SLC7A9: variants seen among roughly 807,000 people sequenced by gnomAD.
The protein encoded by SLC7A9 is B(0,+)-type amino acid transporter 1.
Under a neutral mutation model 54.1 loss-of-function variants are expected in SLC7A9, and 38 were observed. That is an observed-to-expected ratio of 0.70 (90% confidence interval 0.54 to 0.92). The LOEUF (loss-of-function observed/expected upper bound fraction) is 0.92, where lower values mean the gene tolerates loss of function less well. Ranked by LOEUF, SLC7A9 falls within the 40% of genes least tolerant of loss-of-function variation. The pLI, the probability that SLC7A9 is intolerant of heterozygous loss-of-function variation, is 0.00. For synonymous variants in SLC7A9, 264 were observed against 258.9 expected, an observed-to-expected ratio of 1.02 and a Z score of -0.19; for missense variants, 537 against 636.1, an observed-to-expected ratio of 0.84 and a Z score of 1.68.
chr19:32,843,817 C>T (rs200979976), intron 10 of SLC7A9, 38 bp downstream of exon 10: 59 of 1,511,088 alleles, frequency 3.9e-5, no homozygotes, highest in Middle Eastern at 1.7e-4. Flanking sequence ...GGAGTGTCCC[C>T]GCCTTGAAGA....
chr19:32,860,525 A>G, intron 7 of SLC7A9, 81 bp downstream of exon 7: 1 of 1,610,226 alleles, frequency 6.2e-7, no homozygotes, highest in Non-Finnish European at 8.5e-7. Context: ...TGGAATACCC[A>G]GGGAAATAGC....
intron 6 of SLC7A9, among the ~76,000 whole-genome samples, chr19:32,861,089 G>A (rs1968787430): frequency 2.0e-5 from 3 of 152,194 alleles, no homozygotes; most frequent in Non-Finnish European, 4.4e-5. Flanking sequence ...AGCACTTTGA[G>A]AAGCCGAGGT....
intron 12 of SLC7A9, 122 bp downstream of exon 12, chr19:32,833,027 G>A: frequency 1.0e-6 from 1 of 986,244 alleles, no homozygotes; most frequent in Admixed American, 1.7e-5. Context: ...GTCCTCCTGG[G>A]ACGAGGGAGA....
At chr19:32,860,517 G>A (rs1968767361) in intron 7 of SLC7A9, 89 bp downstream of exon 7, 2 of 1,604,868 alleles carry the variant, frequency 1.2e-6, no homozygotes, top group Admixed American at 1.7e-5. Context: ...GGGCATCATG[G>A]AATACCCAGG....
At chr19:32,831,363 C>T (rs10417393) in intron 12 of SLC7A9, 89,506 of 151,994 alleles carry the variant, frequency 0.59, 27,181 homozygotes, top group East Asian at 0.82. Context: ...CTTGGCTTAC[C>T]GCAAGCTCCG....
chr19:32,864,257 G>A lies in SLC7A9; in HGVS notation c.317C>T (p.Pro106Leu), dbSNP rs1264190688. 1 of 1,614,022 alleles carries A rather than the reference G, an allele frequency of 6.2e-7. No individual in the cohort carries two copies. Among genetic ancestry groups the A allele is most frequent in the East Asian group, 2.2e-5 (1 of 44,894 alleles). The change falls in exon 4 of 13, where the codon CCC (proline) becomes CTC (leucine). Residue 106 changes from proline to leucine, a missense_variant. Coordinates refer to ENST00000023064, the MANE Select transcript of SLC7A9 (RefSeq NM_014270.5). ...CCAGGAGAAGAGGTAGGCGGGGATGGGCCCGTAGGCCTCCATCAGGTAGGG... is the reference window on the plus strand; with the variant it reads ...CCAGGAGAAGAGGTAGGCGGGGATGAGCCCGTAGGCCTCCATCAGGTAGGG... ...EYPYLMEAYG[P>L]IPAYLFSWAS...
intron 11 of SLC7A9, among the ~76,000 whole-genome samples, chr19:32,835,188 TTC>T (rs947639945): frequency 1.3e-4 from 20 of 152,236 alleles, no homozygotes; most frequent in Admixed American, 1.2e-3. Flanking sequence ...TGTAACTGGG[TTC>T]TGTTTGTTAA....
chr19:32,855,231 A>G (rs1007726849), intron 9 of SLC7A9, among the ~76,000 whole-genome samples: 1 of 152,164 alleles, frequency 6.6e-6, no homozygotes, highest in Non-Finnish European at 1.5e-5. Context: ...TCCCTTATGT[A>G]TTATGGAGTC....
At chr19:32,831,491 G>A (rs953551159) in intron 12 of SLC7A9, among the ~76,000 whole-genome samples, 6 of 152,044 alleles carry the variant, frequency 3.9e-5, no homozygotes, top group East Asian at 2.0e-4. Flanking sequence ...GGGTTTCACC[G>A]TGTTAGCCAC....
intron 2 of SLC7A9, among the ~76,000 whole-genome samples, chr19:32,865,958 CAA>C (rs34667172): frequency 9.1e-4 from 109 of 119,350 alleles, no homozygotes; most frequent in East Asian, 3.4e-3. Context: ...GAGACTGTCT[CAA>C]AAAAAAAAAA....
At chr19:32,860,189 T>TAAAGG (rs1439615509) in intron 7 of SLC7A9, 12 of 1,483,854 alleles carry the variant, frequency 8.1e-6, no homozygotes, top group African/African-American at 1.4e-5. Context: ...AAGACCAAGC[T>TAAAGG]CTTCCCTCCC....
Position 32,864,647 on chromosome 19 carries a change from C to T in SLC7A9, c.217G>A (p.Gly73Arg), listed in dbSNP as rs138156402. ...GPCLIIWAACGVLATLGALCF... is the reference protein window; with the variant it reads ...GPCLIIWAACRVLATLGALCF... ...TCTTTACCCAGCGTCGCGAGGACCC[C>T]GCAAGCCGCCCATATGATGAGGCAG... Residue 73 changes from glycine (G) to arginine (R), a missense_variant, in exon 3 of 13, where the codon GGG becomes AGG. Coordinates refer to ENST00000023064, the MANE Select transcript of SLC7A9 (RefSeq NM_014270.5). 18 of 1,613,910 alleles carry T rather than the reference C, an allele frequency of 1.1e-5. No homozygotes were observed. The highest frequency in any genetic ancestry group is 2.2e-5 in the East Asian group (1 of 44,882).
At chr19:32,831,588 C>T (rs1004079602) in intron 12 of SLC7A9, among the ~76,000 whole-genome samples, 3 of 152,160 alleles carry the variant, frequency 2.0e-5, no homozygotes, top group African/African-American at 4.8e-5. Context: ...GTGCCCGGCC[C>T]GATATAGACT....
rs1969047404 is a variant in SLC7A9, at chr19:32,868,549, G to A, written c.-15C>T. 1.9e-6 allele frequency: 3 copies of A among 1,608,024 alleles called. No homozygotes were observed. The highest frequency in any genetic ancestry group is 1.6e-4 in the Middle Eastern group (1 of 6,076). On this transcript the variant is annotated 5_prime_UTR_variant, in exon 2 of 13. Transcript: ENST00000023064. ...GTATCCCCCATGTTTCCTCCTGCTG[G>A]TTCCAGGAGACTGCAAGGAGGGCGC... is the stretch of plus-strand genomic sequence containing the variant.
At chr19:32,830,743 G>C in intron 12 of SLC7A9, 59 bp from the exon 13 acceptor site, 1 of 1,379,718 alleles carries the variant, frequency 7.2e-7, no homozygotes, top group Non-Finnish European at 1.0e-6. Context: ...AAGTTTCACT[G>C]GAGTTGTTGT....
intron 6 of SLC7A9, among the ~76,000 whole-genome samples, chr19:32,861,701 G>C (rs887725797): frequency 2.6e-5 from 4 of 152,108 alleles, no homozygotes; most frequent in Non-Finnish European, 5.9e-5. Context: ...TGTAGTCCCA[G>C]CTACTCAGGA....
At position 32,833,220 on chromosome 19, in the gene SLC7A9, A is replaced by C; in HGVS notation, c.1328T>G (p.Phe443Cys). 6.2e-7 allele frequency: 1 copy of C among 1,614,178 alleles called. No individual in the cohort carries two copies. The highest frequency in any genetic ancestry group is 8.5e-7 in the Non-Finnish European group (1 of 1,180,014). Residue 443 changes from phenylalanine (F) to cysteine (C), a missense_variant, in exon 12 of 13, where the codon TTT becomes TGT. Transcript: ENST00000023064. ...GTAAAATAAAAGGCCGCTTAATATA[A>C]ACAGCACACAGTAGAGGTACTCCCA... ...PTWEYLYCVLFILSGLLFYFL... is the reference protein window; with the variant it reads ...PTWEYLYCVLCILSGLLFYFL...
At chr19:32,840,534 T>C (rs925820657) in intron 11 of SLC7A9, among the ~76,000 whole-genome samples, 1 of 152,108 alleles carries the variant, frequency 6.6e-6, no homozygotes, top group African/African-American at 2.4e-5. Flanking sequence ...AATGATGTTT[T>C]GAAGTGCTAA....
intron 2 of SLC7A9, among the ~76,000 whole-genome samples, chr19:32,867,629 A>G (rs1193590402): frequency 2.6e-5 from 4 of 152,018 alleles, no homozygotes; most frequent in Admixed American, 2.0e-4. Flanking sequence ...TCAACACACA[A>G]AAGCACCTAT....
Sources: allele counts gnomAD v4.1 joint callset (sites outside exome capture counted in the v4.1 genomes callset), GRCh38; gene constraint gnomAD v4.1.1; transcripts MANE v1.5; gene names NCBI Gene and HGNC (gene_info 2026-07-23, HGNC 2026-07-21).